The following ILRUN variants were observed in gnomAD, a reference collection of about 807,000 sequenced individuals.
ILRUN encodes the protein inflammation and lipid regulator with UBA-like and NBR1-like domains.
Under a neutral mutation model 33.8 loss-of-function variants are expected in ILRUN, and 3 were observed. That is an observed-to-expected ratio of 0.09 (90% CI 0.04 to 0.23). The LOEUF is 0.23. Ranked by LOEUF, ILRUN falls within the 10% of genes least tolerant of loss-of-function variation. The pLI, the probability that ILRUN is intolerant of heterozygous loss-of-function variation, is 1.00. For missense variants in ILRUN, 210 were observed against 375.1 expected, an observed-to-expected ratio of 0.56 and a Z score of 3.64; for synonymous variants, 124 against 138.9, an observed-to-expected ratio of 0.89 and a Z score of 0.75.
At chr6:34,643,190 T>A (rs1762506249) in intron 3 of ILRUN, among the ~76,000 whole-genome samples, 2 of 151,432 alleles carry the variant, frequency 1.3e-5, no homozygotes, top group Non-Finnish European at 2.9e-5. Context: ...TCCCAGCTAC[T>A]CGGGAGGCTG....
intron 3 of ILRUN, among the ~76,000 whole-genome samples, chr6:34,636,511 C>T (rs914243823): frequency 9.9e-5 from 15 of 151,902 alleles, no homozygotes; most frequent in African/African-American, 3.6e-4. Flanking sequence ...GGTGTCAAAC[C>T]ATCGTTACAG....
intron 3 of ILRUN, among the ~76,000 whole-genome samples, chr6:34,619,830 C>G (rs1761975961): frequency 6.6e-6 from 1 of 151,822 alleles, no homozygotes; most frequent in Admixed American, 6.6e-5. Context: ...ACTAAAAATA[C>G]AAAAATTAGT....
intron 1 of ILRUN, among the ~76,000 whole-genome samples, chr6:34,684,610 A>T (rs1302526141): frequency 6.6e-6 from 1 of 152,224 alleles, no homozygotes; most frequent in Non-Finnish European, 1.5e-5. Flanking sequence ...GTTTCTATAC[A>T]TAATAAACAC....
chr6:34,665,104 G>C (rs765971370), intron 1 of ILRUN, among the ~76,000 whole-genome samples: 3 of 151,564 alleles, frequency 2.0e-5, no homozygotes, highest in Non-Finnish European at 2.9e-5. Context: ...CCAAGTAGGA[G>C]TACAGGTGCA....
At chr6:34,687,641 T>C (rs1397811096) in intron 1 of ILRUN, among the ~76,000 whole-genome samples, 2 of 148,134 alleles carry the variant, frequency 1.4e-5, no homozygotes, top group East Asian at 3.9e-4. Flanking sequence ...GAGGTTGCAG[T>C]GAGCCGAGAT....
In ILRUN at chr6:34,606,917, G is replaced by A. The variant is rs1561999589; in HGVS notation, c.512-13C>T. On this transcript the variant is annotated splice_polypyrimidine_tract_variant and intron_variant, in intron 3 of 4. Coordinates refer to ENST00000374023, the MANE Select transcript of ILRUN (RefSeq NM_024294.4). ...ACCCAGATGACATCTGAAACAAAAA[G>A]GTAACTCATTTCAATGCCAGGCTTA... 2 of 1,594,138 alleles carry A rather than the reference G, an allele frequency of 1.3e-6. No individual in the cohort carries two copies. The highest frequency in any genetic ancestry group is 2.7e-5 in the African/African-American group (2 of 74,082).
At chr6:34,685,862 A>G (rs73413854) in intron 1 of ILRUN, among the ~76,000 whole-genome samples, 4,694 of 152,250 alleles carry the variant, frequency 0.031, 195 homozygotes, top group African/African-American at 0.09. Context: ...AAGCTCCACA[A>G]AATCAAGCTG....
intron 1 of ILRUN, among the ~76,000 whole-genome samples, chr6:34,657,163 G>A (rs1442410066): frequency 6.6e-6 from 1 of 152,226 alleles, no homozygotes; most frequent in Non-Finnish European, 1.5e-5. Flanking sequence ...TGGAAAAGCT[G>A]TATGTCTACC....
chr6:34,634,296 A>T (rs1260061245), intron 3 of ILRUN, among the ~76,000 whole-genome samples: 1 of 152,032 alleles, frequency 6.6e-6, no homozygotes, highest in Admixed American at 6.6e-5. Flanking sequence ...GTGTCTAAAA[A>T]TTTAAAAAAA....
intron 1 of ILRUN, among the ~76,000 whole-genome samples, chr6:34,672,293 C>A (rs1204210540): frequency 6.6e-6 from 1 of 152,104 alleles, no homozygotes; most frequent in Non-Finnish European, 1.5e-5. Flanking sequence ...GGGGGTTTCG[C>A]CACATTGCCC....
chr6:34,618,455 T>A (rs1761944215), intron 3 of ILRUN, among the ~76,000 whole-genome samples: 1 of 152,168 alleles, frequency 6.6e-6, no homozygotes, highest in East Asian at 1.9e-4. Flanking sequence ...CCTAATCCTG[T>A]CTCAGAAACA....
At chr6:34,639,393 C>A (rs1762425771) in intron 3 of ILRUN, among the ~76,000 whole-genome samples, 1 of 152,152 alleles carries the variant, frequency 6.6e-6, no homozygotes, top group African/African-American at 2.4e-5. Context: ...TTAGAGGAAA[C>A]CGTCATGGTA....
chr6:34,669,640 A>G (rs1763076404), intron 1 of ILRUN, among the ~76,000 whole-genome samples: 1 of 152,212 alleles, frequency 6.6e-6, no homozygotes, highest in South Asian at 2.1e-4. Flanking sequence ...AGGCCTCACA[A>G]TTAACCATAA....
At chr6:34,676,962 T>A (rs886619815) in intron 1 of ILRUN, among the ~76,000 whole-genome samples, 6 of 150,264 alleles carry the variant, frequency 4.0e-5, no homozygotes, top group African/African-American at 1.5e-4. Flanking sequence ...TTCTCGGAAT[T>A]TGCCCCAAAT....
intron 3 of ILRUN, among the ~76,000 whole-genome samples, chr6:34,622,671 C>A (rs1038872977): frequency 2.0e-5 from 3 of 152,128 alleles, no homozygotes; most frequent in Non-Finnish European, 4.4e-5. Context: ...AATGGTGCAG[C>A]TGCTTTGTAA....
At chr6:34,627,233 G>T (rs1762154826) in intron 3 of ILRUN, among the ~76,000 whole-genome samples, 1 of 152,018 alleles carries the variant, frequency 6.6e-6, no homozygotes, top group South Asian at 2.1e-4. Flanking sequence ...TGCCTTAATG[G>T]CTCATTTCTT....
chr6:34,667,869 A>G (rs1763036286), intron 1 of ILRUN, among the ~76,000 whole-genome samples: 1 of 152,230 alleles, frequency 6.6e-6, no homozygotes, highest in Non-Finnish European at 1.5e-5. Context: ...GAGACATGAT[A>G]ACCAAAGATA....
intron 1 of ILRUN, among the ~76,000 whole-genome samples, chr6:34,691,406 AACAG>A (rs1763647006): frequency 6.6e-6 from 1 of 152,252 alleles, no homozygotes; most frequent in South Asian, 2.1e-4. Context: ...TACTTCTGTT[AACAG>A]ACAGTTCCAT....
chr6:34,602,535 C>T (rs1457708056), intron 4 of ILRUN, among the ~76,000 whole-genome samples: 1 of 152,186 alleles, frequency 6.6e-6, no homozygotes, highest in African/African-American at 2.4e-5. Flanking sequence ...GCAAGGTTAG[C>T]CTTGAGTCAA....
Sources: allele counts gnomAD v4.1 joint callset (sites outside exome capture counted in the v4.1 genomes callset), GRCh38; gene constraint gnomAD v4.1.1; transcripts MANE v1.5; gene names NCBI Gene and HGNC (gene_info 2026-07-23, HGNC 2026-07-21).